The following OPRL1 variants were observed in gnomAD, a reference collection of about 807,000 sequenced individuals.
OPRL1 encodes opioid related nociceptin receptor 1.
OPRL1 carries 5 observed loss-of-function variants against 15.5 expected under a neutral mutation model. That is an observed-to-expected ratio of 0.32 (90% CI 0.17 to 0.68). The LOEUF (loss-of-function observed/expected upper bound fraction) is 0.68. Among genes scored for constraint, OPRL1 ranks in the 30% least tolerant of loss-of-function variants. The probability of loss-of-function intolerance (pLI) is 0.72; values close to 1 mark genes in which losing one functional copy is unlikely to be tolerated. For missense variants in OPRL1, 406 were observed against 515.3 expected, an observed-to-expected ratio of 0.79 and a Z score of 2.05; for synonymous variants, 223 against 230.2, an observed-to-expected ratio of 0.97 and a Z score of 0.28.
intron 3 of OPRL1, among the ~76,000 whole-genome samples, chr20:64,093,257 G>A (rs1475903357): frequency 1.3e-5 from 2 of 151,180 alleles, no homozygotes; most frequent in African/African-American, 2.4e-5. Flanking sequence ...CTGCTTGAAT[G>A]ACCTCATGAG....
chr20:64,086,244 C>T (rs1307331360), intron 1 of OPRL1, among the ~76,000 whole-genome samples: 1 of 152,182 alleles, frequency 6.6e-6, no homozygotes, highest in Non-Finnish European at 1.5e-5. Context: ...GGGGGAGTCA[C>T]GCAGGGAGTA....
rs113943566 is a variant in OPRL1, at chr20:64,092,740, C to T, written c.20C>T (p.Ala7Val). ...AGTGGCATGGAGCCCCTCTTCCCCGCGCCGTTCTGGGAGGTTATCTACGGC... is the reference window on the plus strand; with the variant it reads ...AGTGGCATGGAGCCCCTCTTCCCCGTGCCGTTCTGGGAGGTTATCTACGGC... MEPLFP[A>V]PFWEVIYGSH... Residue 7 changes from alanine (A) to valine (V), a missense_variant, in exon 3 of 5, where the codon GCG becomes GTG. Transcript: ENST00000336866. 4,882 of 1,612,470 alleles carry T rather than the reference C, an allele frequency of 3.0e-3. 12 individuals are homozygous for T. Among genetic ancestry groups the T allele is most frequent in the Non-Finnish European group, 3.8e-3 (4,480 of 1,179,830 alleles).
chr20:64,083,557 C>T lies in OPRL1; in HGVS notation c.-185+3205C>T, dbSNP rs779319825. The T allele has an allele frequency of 4.0e-5, 62 of 1,531,670 alleles. No individual in the cohort carries two copies. Among genetic ancestry groups the T allele is most frequent in the Non-Finnish European group, 5.1e-5 (58 of 1,138,968 alleles). 94.9% of individuals were successfully genotyped at this position (1,531,670 alleles called of 1,614,324 possible). A position where few individuals can be genotyped will look rare whatever the true frequency, so the allele number is the denominator to read the frequency against. On this transcript the variant is annotated intron_variant, in intron 1 of 4. Coordinates refer to ENST00000336866, the MANE Select transcript of OPRL1 (RefSeq NM_182647.4). The surrounding 1 kb of genome is among the most constrained non-coding windows in gnomAD (Gnocchi z 4.9). Reference sequence around the variant, plus strand: ...GGCGGGCAGGGCCCCTCCCCTTTCCCCGCCCCTACCGGGGCTTGTCTGCAC... The same window carrying T: ...GGCGGGCAGGGCCCCTCCCCTTTCCTCGCCCCTACCGGGGCTTGTCTGCAC...
intron 2 of OPRL1, among the ~76,000 whole-genome samples, chr20:64,092,333 C>T (rs906238918): frequency 2.6e-5 from 4 of 152,124 alleles, no homozygotes; most frequent in African/African-American, 4.8e-5. Flanking sequence ...TGTGAACACG[C>T]GAGTGGCTGT....
chr20:64,092,656 C>T, intron 2 of OPRL1, 32 bp from the exon 3 acceptor site: 1 of 1,526,622 alleles, frequency 6.6e-7, no homozygotes, highest in Non-Finnish European at 9.0e-7. Context: ...GTGTCTGGCA[C>T]TGCAGCCACT....
intron 1 of OPRL1, among the ~76,000 whole-genome samples, chr20:64,082,636 GC>G (rs2059979810): frequency 6.6e-6 from 1 of 152,198 alleles, no homozygotes; most frequent in South Asian, 2.1e-4. Context: ...GGAAGCGGGG[GC>G]CTAGGGAAGC....
In OPRL1 at chr20:64,092,861, C is replaced by T; in HGVS notation, c.141C>T (p.Pro47=). 3.7e-6 allele frequency: 6 copies of T among 1,612,782 alleles called. No homozygotes were observed. The highest frequency in any genetic ancestry group is 5.1e-6 in the Non-Finnish European group (6 of 1,179,956). ...LLNASHGAFL[P]LGLKVTIVGL... Reference sequence around the variant, plus strand: ...ATGCCAGCCACGGCGCCTTCCTGCCCCTCGGGCTCAAGGTCACCATCGTGG... The same window carrying T: ...ATGCCAGCCACGGCGCCTTCCTGCCTCTCGGGCTCAAGGTCACCATCGTGG... The change falls in exon 3 of 5, where the codon CCC becomes CCT. Residue 47 remains proline (P), a synonymous_variant. Coordinates refer to ENST00000336866, the MANE Select transcript of OPRL1 (RefSeq NM_182647.4).
intron 1 of OPRL1, among the ~76,000 whole-genome samples, chr20:64,091,447 C>T (rs1181631404): frequency 6.6e-6 from 1 of 152,274 alleles, no homozygotes; most frequent in Non-Finnish European, 1.5e-5. Flanking sequence ...TTCGTGCTCT[C>T]AGCAGTGGCC....
At chr20:64,085,953 C>T (rs1225051448) in intron 1 of OPRL1, among the ~76,000 whole-genome samples, 2 of 152,188 alleles carry the variant, frequency 1.3e-5, no homozygotes, top group Non-Finnish European at 2.9e-5. Flanking sequence ...TTGCTGCTCC[C>T]CAGGAAGGCC....
At chr20:64,084,337 G>T (rs1342701193) in intron 1 of OPRL1, 19 of 1,288,554 alleles carry the variant, frequency 1.5e-5, no homozygotes, top group Non-Finnish European at 1.9e-5. Context: ...TGGGCTCTCC[G>T]CAGTCGGTTT....
At position 64,089,848 on chromosome 20, in the gene OPRL1, G is replaced by A. The variant is rs1441865409; in HGVS notation, c.-184-2118G>A. Among the ~76,000 whole-genome samples the A allele has an allele frequency of 6.6e-6, 1 of 152,190 alleles. No homozygotes were observed. Among genetic ancestry groups the A allele is most frequent in the Non-Finnish European group, 1.5e-5 (1 of 68,020 alleles). ...CCCAGGCTGGGTCCCAGGCTGGGAGGCAGGCTCAGGAAGCTCGGGTAGGAG... is the reference window on the plus strand; with the variant it reads ...CCCAGGCTGGGTCCCAGGCTGGGAGACAGGCTCAGGAAGCTCGGGTAGGAG... On this transcript the variant is annotated intron_variant, in intron 1 of 4. Coordinates refer to ENST00000336866, the MANE Select transcript of OPRL1 (RefSeq NM_182647.4). This position sits in a 1 kb window ranked among gnomAD's most constrained non-coding sequence, Gnocchi z 5.5.
chr20:64,083,700 C>T lies in OPRL1; in HGVS notation c.-185+3348C>T, dbSNP rs1218907706. On this transcript the variant is annotated intron_variant, in intron 1 of 4. Transcript: ENST00000336866. The surrounding 1 kb of genome is among the most constrained non-coding windows in gnomAD (Gnocchi z 4.9). ...GCCGCTGGATGAGCAGCGCGATCTC[C>T]TCGGCCTGCGGGGCCCGGGTAGCTG... 4 of 1,392,214 alleles carry T rather than the reference C, an allele frequency of 2.9e-6. No individual in the cohort carries two copies. The highest frequency in any genetic ancestry group is 3.7e-6 in the Non-Finnish European group (4 of 1,081,920). The allele number at this position is 1,392,214 out of a possible 1,614,324, so 86.2% of individuals were successfully genotyped here. A position where few individuals can be genotyped will look rare whatever the true frequency, so the allele number is the denominator to read the frequency against.
In OPRL1 at chr20:64,099,924, C is replaced by G. The variant is rs1357350600; in HGVS notation, c.*1125C>G. ...TGGAAGGAGAAGCTGGTGGCCACAG[C>G]AGAGTCCTGCTCTGGGGACGCCTGC... On this transcript the variant is annotated 3_prime_UTR_variant, in exon 5 of 5. Transcript: ENST00000336866. 6.6e-6 allele frequency: 1 copy of G among 152,368 alleles called. No individual in the cohort carries two copies. Among genetic ancestry groups the G allele is most frequent in the Non-Finnish European group, 1.5e-5 (1 of 68,150 alleles). The allele number at this position is 152,368 out of a possible 1,614,324, so 9.4% of individuals were successfully genotyped here.
At chr20:64,082,499 C>A (rs78388920) in intron 1 of OPRL1, among the ~76,000 whole-genome samples, 6,112 of 152,230 alleles carry the variant, frequency 0.04, 139 homozygotes, top group South Asian at 0.068. Context: ...CCTTCTGGAC[C>A]CCAGTTCTGA....
intron 3 of OPRL1, among the ~76,000 whole-genome samples, chr20:64,096,444 A>G (rs1979119708): frequency 1.3e-5 from 2 of 152,134 alleles, no homozygotes; most frequent in African/African-American, 4.8e-5. Context: ...TTCTTCCTCT[A>G]TAGAGTGGGG....
At chr20:64,081,681 T>C (rs2059969232) in intron 1 of OPRL1, among the ~76,000 whole-genome samples, 2 of 152,166 alleles carry the variant, frequency 1.3e-5, no homozygotes. Flanking sequence ...CCTCAATATA[T>C]TGGGCTTTGG....
rs573888273 is a variant in OPRL1 at position 64,090,519 on chromosome 20, G to C, written c.-184-1447G>C. Among the ~76,000 whole-genome samples, 9 of 152,210 alleles carry C rather than the reference G, an allele frequency of 5.9e-5. No individual in the cohort carries two copies. The highest frequency in any genetic ancestry group is 1.0e-4 in the Non-Finnish European group (7 of 68,028). ...GCAGGGTCTGAGCTGTGTGGGGAGA[G>C]GTCTGGTTTTCCTGCAAAGCTCGTG... is the stretch of plus-strand genomic sequence containing the variant. On this transcript the variant is annotated intron_variant, in intron 1 of 4. Transcript: ENST00000336866. The surrounding 1 kb of genome is among the most constrained non-coding windows in gnomAD (Gnocchi z 4.9).
intron 4 of OPRL1, 36 bp from the exon 5 acceptor site, chr20:64,098,240 C>T (rs1467838863): frequency 1.2e-6 from 2 of 1,604,278 alleles, no homozygotes; most frequent in African/African-American, 1.3e-5. Flanking sequence ...CTCCACGTCT[C>T]CTGGGCCCAC....
Position 64,098,795 on chromosome 20 carries a change from C to T in OPRL1, c.1109C>T (p.Ala370Val). 1 of 1,589,566 alleles carries T rather than the reference C, an allele frequency of 6.3e-7. No homozygotes were observed. The highest frequency in any genetic ancestry group is 8.5e-7 in the Non-Finnish European group (1 of 1,173,702). Residue 370 changes from alanine (A) to valine (V), a missense_variant, in exon 5 of 5, where the codon GCA becomes GTA. Coordinates refer to ENST00000336866, the MANE Select transcript of OPRL1 (RefSeq NM_182647.4). ...CKTSETVPRP[A>V] Reference sequence around the variant, plus strand: ...ACCTCTGAGACGGTACCGCGGCCCGCATGACTAGGCGTGGACCTGCCCATG... The same window carrying T: ...ACCTCTGAGACGGTACCGCGGCCCGTATGACTAGGCGTGGACCTGCCCATG...
Sources: gnomAD v4.1 joint callset for allele counts (sites outside exome capture counted in the v4.1 genomes callset) on GRCh38, gnomAD v4.1.1 for gene constraint, Gnocchi (gnomAD v3.1) non-coding constraint, MANE v1.5 for transcripts, NCBI Gene and HGNC (gene_info 2026-07-23, HGNC 2026-07-21) for gene names.